GRIN2B: variants seen among roughly 807,000 people sequenced by gnomAD.
GRIN2B encodes the protein glutamate receptor ionotropic, NMDA 2B.
A neutral mutation model predicts 114.5 loss-of-function variants in GRIN2B; 5 were observed. The ratio of observed to expected loss-of-function variants is 0.04; its 90% CI spans 0.02 to 0.09. GRIN2B has a LOEUF of 0.09. GRIN2B is among the 10% of genes least tolerant of loss of function. The probability of loss-of-function intolerance (pLI) is 1.00; values close to 1 mark genes in which losing one functional copy is unlikely to be tolerated. For synonymous variants in GRIN2B, 787 were observed against 745.1 expected (o/e 1.06, Z -0.92); for missense variants, 1,108 against 1,943.5 (o/e 0.57, Z 8.08).
intron 5 of GRIN2B, among the ~76,000 whole-genome samples, chr12:13,623,800 T>A (rs1227898505): frequency 6.6e-6 from 1 of 152,194 alleles, no homozygotes. Context: ...CAGTAGAACA[T>A]AATATTCTTC....
At chr12:13,694,704 A>C (rs867034419) in intron 4 of GRIN2B, among the ~76,000 whole-genome samples, 4 of 77,970 alleles carry the variant, frequency 5.1e-5, no homozygotes, top group Non-Finnish European at 5.1e-5. Context: ...TATATATATA[A>C]ATTAATTAAT....
In GRIN2B at chr12:13,548,778, A is replaced by C. The variant is rs1175358007; in HGVS notation, c.*14005T>G. On this transcript the variant is annotated 3_prime_UTR_variant, in exon 14 of 14. Transcript: ENST00000609686. ...TAATAGGCTTGATTTTTTTTAGATTAAAAAATTAGTCTAGTGCCCACCTCC... is the reference window on the plus strand; with the variant it reads ...TAATAGGCTTGATTTTTTTTAGATTCAAAAATTAGTCTAGTGCCCACCTCC... 1 of 151,992 alleles carries C rather than the reference A, an allele frequency of 6.6e-6. No individual in the cohort carries two copies. Among genetic ancestry groups the C allele is most frequent in the Non-Finnish European group, 1.5e-5 (1 of 68,004 alleles). 9.4% of individuals were successfully genotyped at this position (151,992 alleles called of 1,614,324 possible).
Position 13,547,569 on chromosome 12 carries a change from AAG to A in GRIN2B, c.*15212_*15213del, listed in dbSNP as rs1278928627. On this transcript the variant is annotated 3_prime_UTR_variant, in exon 14 of 14. Transcript: ENST00000609686. Reference sequence around the variant, plus strand: ...AGGTAGATTTCACCATTATGTAACAAAGAGAATAAAAAAGAAAGGAAAGGAGA... The same window carrying A: ...AGGTAGATTTCACCATTATGTAACAAAGAATAAAAAAGAAAGGAAAGGAGA... The A allele has an allele frequency of 5.9e-5, 9 of 152,126 alleles. No homozygotes were observed. The highest frequency in any genetic ancestry group is 5.9e-4 in the Admixed American group (9 of 15,286). 9.4% of individuals were successfully genotyped at this position (152,126 alleles called of 1,614,324 possible).
chr12:13,847,961 C>A (rs2136723679), intron 3 of GRIN2B, among the ~76,000 whole-genome samples: 1 of 152,282 alleles, frequency 6.6e-6, no homozygotes, highest in African/African-American at 2.4e-5. Context: ...TGAAGTCCTT[C>A]TGCCTTAATA....
intron 4 of GRIN2B, among the ~76,000 whole-genome samples, chr12:13,682,705 C>T (rs1424385023): frequency 1.3e-5 from 2 of 152,168 alleles, no homozygotes; most frequent in Admixed American, 6.5e-5. Flanking sequence ...TAATATACCT[C>T]TTATCTCCTA....
At position 13,901,694 on chromosome 12, in the gene GRIN2B, T is replaced by A. The variant is rs143705862; in HGVS notation, c.-18-35468A>T. ...CACTCTGTGATCTGTTTTTTCATTA[T>A]CTTTTTGGTATAATTTGACAAATAA... On this transcript the variant is annotated intron_variant, in intron 2 of 13. Transcript: ENST00000609686. 5.6e-3 allele frequency among the ~76,000 whole-genome samples: 855 copies of A among 152,260 alleles called. 5 individuals carry two copies. Among genetic ancestry groups the A allele is most frequent in the Middle Eastern group, 0.027 (8 of 294 alleles).
chr12:13,772,885 GC>G (rs1340008663), intron 3 of GRIN2B, among the ~76,000 whole-genome samples: 1 of 152,076 alleles, frequency 6.6e-6, no homozygotes, highest in African/African-American at 2.4e-5. Context: ...CTGCTCTATA[GC>G]AAATGTATTC....
intron 10 of GRIN2B, among the ~76,000 whole-genome samples, chr12:13,584,397 C>T (rs1310215872): frequency 6.6e-6 from 1 of 152,200 alleles, no homozygotes; most frequent in Non-Finnish European, 1.5e-5. Context: ...GCATCCAACA[C>T]TTAGTAAGCT....
intron 5 of GRIN2B, among the ~76,000 whole-genome samples, chr12:13,658,242 T>G (rs1298971984): frequency 6.6e-6 from 1 of 151,510 alleles, no homozygotes; most frequent in African/African-American, 2.4e-5. Flanking sequence ...ACCCACACAT[T>G]TATAATATAA....
At chr12:13,891,628 A>T (rs1400702133) in intron 2 of GRIN2B, among the ~76,000 whole-genome samples, 1 of 152,110 alleles carries the variant, frequency 6.6e-6, no homozygotes, top group East Asian at 1.9e-4. Flanking sequence ...TAATGAAAAA[A>T]AAAATGCAGT....
At chr12:13,696,083 G>A (rs1950256667) in intron 4 of GRIN2B, among the ~76,000 whole-genome samples, 1 of 152,128 alleles carries the variant, frequency 6.6e-6, no homozygotes, top group African/African-American at 2.4e-5. Context: ...CAAGGTCAAA[G>A]GTGAGCTGAC....
rs73057633 is a variant in GRIN2B, at chr12:13,880,510, T to G, written c.-18-14284A>C. ...TTTTATCCTCAGCTTCCTAGGTGACTGAAACCGCAGCTGCCTCTGAGAGCT... is the reference window on the plus strand; with the variant it reads ...TTTTATCCTCAGCTTCCTAGGTGACGGAAACCGCAGCTGCCTCTGAGAGCT... On this transcript the variant is annotated intron_variant, in intron 2 of 13. Coordinates refer to ENST00000609686, the MANE Select transcript of GRIN2B (RefSeq NM_000834.5). Among the ~76,000 whole-genome samples the G allele has an allele frequency of 7.8e-3, 1,187 of 152,274 alleles. 10 individuals are homozygous for G. Among genetic ancestry groups the G allele is most frequent in the Non-Finnish European group, 0.012 (829 of 68,018 alleles).
At chr12:13,698,322 G>C (rs1277804994) in intron 4 of GRIN2B, among the ~76,000 whole-genome samples, 2 of 152,236 alleles carry the variant, frequency 1.3e-5, no homozygotes, top group African/African-American at 4.8e-5. Flanking sequence ...CACAAGGAGA[G>C]CCCCTATAGA....
intron 10 of GRIN2B, among the ~76,000 whole-genome samples, chr12:13,572,416 G>GGTGAGCTAT (rs1948718903): frequency 6.6e-6 from 1 of 152,150 alleles, no homozygotes; most frequent in Non-Finnish European, 1.5e-5. Flanking sequence ...GCCTTAGTGA[G>GGTGAGCTAT]GTGAGCTATG....
chr12:13,758,998 A>AT (rs5796560), intron 3 of GRIN2B, among the ~76,000 whole-genome samples: 2,018 of 85,662 alleles, frequency 0.024, 260 homozygotes, highest in African/African-American at 0.059. Context: ...ATCTAGTTCA[A>AT]TTTTTTTTTT....
chr12:13,820,528 CT>C (rs1211163608), intron 3 of GRIN2B, among the ~76,000 whole-genome samples: 1 of 152,180 alleles, frequency 6.6e-6, no homozygotes, highest in Non-Finnish European at 1.5e-5. Context: ...TTGTTCACCC[CT>C]GTTATAGTAC....
At chr12:13,788,098 T>C (rs1864249286) in intron 3 of GRIN2B, among the ~76,000 whole-genome samples, 1 of 152,192 alleles carries the variant, frequency 6.6e-6, no homozygotes, top group South Asian at 2.1e-4. Context: ...AAATATCAGG[T>C]TCCATCTGAA....
intron 4 of GRIN2B, among the ~76,000 whole-genome samples, chr12:13,747,412 T>C (rs1863405241): frequency 6.6e-6 from 1 of 152,242 alleles, no homozygotes. Flanking sequence ...AACACATGCA[T>C]TGTTATGCCT....
At chr12:13,816,632 G>C (rs900993223) in intron 3 of GRIN2B, among the ~76,000 whole-genome samples, 1 of 152,018 alleles carries the variant, frequency 6.6e-6, no homozygotes, top group South Asian at 2.1e-4. Flanking sequence ...GTGCCTCCAG[G>C]CCTTCTGAAA....
Sources: allele counts gnomAD v4.1 joint callset (sites outside exome capture counted in the v4.1 genomes callset), GRCh38; gene constraint gnomAD v4.1.1; transcripts MANE v1.5; gene names NCBI Gene and HGNC (gene_info 2026-07-23, HGNC 2026-07-21).